The following RASEF variants were observed in gnomAD, a reference collection of about 807,000 sequenced individuals.
The protein encoded by RASEF is RAS and EF-hand domain containing, also known as ras and EF-hand domain-containing protein.
In RASEF, 68 loss-of-function variants were observed where a neutral mutation model predicts 90.1. That is an observed-to-expected ratio of 0.75 (90% CI 0.62 to 0.92). RASEF has a LOEUF of 0.92. Among genes scored for constraint, RASEF ranks in the 40% least tolerant of loss-of-function variants. RASEF has a pLI of 0.00. For missense variants in RASEF, 949 were observed against 937.2 expected, an observed-to-expected ratio of 1.01 and a Z score of -0.16; for synonymous variants, 331 against 345.2, an observed-to-expected ratio of 0.96 and a Z score of 0.46.
chr9:83,079,832 T>G, the RASEF span, among the ~76,000 whole-genome samples: 3,114 of 144,044 alleles, frequency 0.022, 89 homozygotes, highest in African/African-American at 0.076. Flanking sequence ...TAGGTAGAAA[T>G]ATTACAATTC....
chr9:83,079,612 A>G, the RASEF span, among the ~76,000 whole-genome samples: 1 of 152,344 alleles, frequency 6.6e-6, no homozygotes, highest in East Asian at 1.9e-4. Flanking sequence ...TTACAATTCA[A>G]TATGAGATTT....
At chr9:83,106,032 C>T in the RASEF span, among the ~76,000 whole-genome samples, 1,387 of 152,266 alleles carry the variant, frequency 9.1e-3, 24 homozygotes, top group African/African-American at 0.032. Context: ...ATCAGGAATA[C>T]CCAAAATATA....
chr9:82,985,528 A>G (rs778977287), intron 16 of RASEF, among the ~76,000 whole-genome samples: 1 of 152,166 alleles, frequency 6.6e-6, no homozygotes, highest in Non-Finnish European at 1.5e-5. Context: ...GCCACATGCT[A>G]AGGAGCTGGG....
At chr9:83,171,173 A>T in the RASEF span, among the ~76,000 whole-genome samples, 2 of 151,846 alleles carry the variant, frequency 1.3e-5, no homozygotes, top group Non-Finnish European at 2.9e-5. Flanking sequence ...TATGGTATTT[A>T]TTGAAATGAT....
chr9:83,147,006 GTA>G, the RASEF span, among the ~76,000 whole-genome samples: 21 of 118,992 alleles, frequency 1.8e-4, no homozygotes, highest in South Asian at 6.3e-4. Context: ...GTGTGCGTGT[GTA>G]TATGTGTGTG....
rs75891481 is a variant in RASEF at position 83,012,458 on chromosome 9, T to G, written c.819A>C (p.Lys273Asn). 2.7e-3 allele frequency: 4,286 copies of G among 1,587,040 alleles called. 90 individuals carry two copies. The African/African-American group carries it at 0.051, about 19-fold the overall frequency. The change falls in exon 5 of 17, where the codon AAA becomes AAC. Residue 273 changes from lysine (K) to asparagine (N), a missense_variant. Coordinates refer to ENST00000376447, the MANE Select transcript of RASEF (RefSeq NM_152573.4). ...CCATTGATAAATCATAAATTTGTTT[T>G]TTCAATGCAGCCACATCTTCCTTTT... ...VSQKEDVAALKKQIYDLSMEN... is the reference protein window; with the variant it reads ...VSQKEDVAALNKQIYDLSMEN...
intron 1 of RASEF, among the ~76,000 whole-genome samples, chr9:83,052,222 G>T (rs1371957805): frequency 2.1e-5 from 3 of 139,796 alleles, no homozygotes; most frequent in South Asian, 2.3e-4. Context: ...CAATTTCAGA[G>T]CCTGTTATTG....
chr9:83,178,625 T>C, the RASEF span, among the ~76,000 whole-genome samples: 2 of 152,184 alleles, frequency 1.3e-5, no homozygotes, highest in Non-Finnish European at 1.5e-5. Flanking sequence ...GACATTTCTG[T>C]TGAAGTGCTC....
chr9:83,104,071 C>T, the RASEF span, among the ~76,000 whole-genome samples: 2 of 152,048 alleles, frequency 1.3e-5, no homozygotes, highest in African/African-American at 2.4e-5. Flanking sequence ...CGGTGCCAAG[C>T]GATGAAAGAA....
rs114117541 is a variant in RASEF, at chr9:83,060,935, C to T, written c.431+1502G>A. Among the ~76,000 whole-genome samples the T allele has an allele frequency of 6.8e-3, 1,034 of 152,272 alleles. 9 individuals carry two copies. The highest frequency in any genetic ancestry group is 0.024 in the African/African-American group (997 of 41,546). On this transcript the variant is annotated intron_variant, in intron 1 of 16. Transcript: ENST00000376447. Reference sequence around the variant, plus strand: ...TATTAATTCCTGGTTTGTACACTGACCCAGGTCATTTCAATCATTTAAGGT... The same window carrying T: ...TATTAATTCCTGGTTTGTACACTGATCCAGGTCATTTCAATCATTTAAGGT...
At chr9:83,072,006 C>T in the RASEF span, among the ~76,000 whole-genome samples, 20 of 152,164 alleles carry the variant, frequency 1.3e-4, no homozygotes, top group Non-Finnish European at 7.3e-5. Flanking sequence ...TTAGTCTCCA[C>T]CTCTCGATGC....
At chr9:83,119,172 A>ATTTTTT in the RASEF span, among the ~76,000 whole-genome samples, 1 of 119,416 alleles carries the variant, frequency 8.4e-6, no homozygotes, top group Non-Finnish European at 1.7e-5. Flanking sequence ...CATGCGGGCT[A>ATTTTTT]TTTTTTTTTT....
chr9:83,161,254 T>C, the RASEF span, among the ~76,000 whole-genome samples: 5 of 152,180 alleles, frequency 3.3e-5, no homozygotes, highest in Non-Finnish European at 7.3e-5. Context: ...GAAAGCAGCC[T>C]GGAGTGGGGG....
chr9:83,194,160 A>C, the RASEF span, among the ~76,000 whole-genome samples: 2 of 152,216 alleles, frequency 1.3e-5, no homozygotes, highest in Non-Finnish European at 2.9e-5. Flanking sequence ...TACTGTATTC[A>C]GATTTTATTA....
the RASEF span, among the ~76,000 whole-genome samples, chr9:83,216,149 T>A: frequency 1.1e-4 from 16 of 152,094 alleles, no homozygotes; most frequent in African/African-American, 2.9e-4. Flanking sequence ...AGCCTGACAA[T>A]GTGATGGAAA....
chr9:83,102,113 T>C, the RASEF span, among the ~76,000 whole-genome samples: 1 of 152,162 alleles, frequency 6.6e-6, no homozygotes, highest in African/African-American at 2.4e-5. Flanking sequence ...GTTTCACTCT[T>C]GTTGCCCAGG....
chr9:83,072,301 G>A, the RASEF span, among the ~76,000 whole-genome samples: 3 of 152,162 alleles, frequency 2.0e-5, no homozygotes, highest in East Asian at 1.9e-4. Context: ...TCCAAAATAT[G>A]CACTATTTTT....
At chr9:83,071,572 A>AT in the RASEF span, among the ~76,000 whole-genome samples, 1 of 151,824 alleles carries the variant, frequency 6.6e-6, no homozygotes, top group African/African-American at 2.4e-5. Context: ...CACCTAGCTA[A>AT]TTTTTTATAT....
the RASEF span, among the ~76,000 whole-genome samples, chr9:83,170,203 T>G: frequency 4.6e-5 from 7 of 152,104 alleles, no homozygotes; most frequent in Admixed American, 4.6e-4. Context: ...CCAATGTATG[T>G]TATTGGCACC....
Sources: gnomAD v4.1 joint callset for allele counts (sites outside exome capture counted in the v4.1 genomes callset) on GRCh38, gnomAD v4.1.1 for gene constraint, MANE v1.5 for transcripts, NCBI Gene and HGNC (gene_info 2026-07-23, HGNC 2026-07-21) for gene names.